LHPP: variants seen among roughly 807,000 people sequenced by gnomAD.
LHPP encodes the protein phospholysine phosphohistidine inorganic pyrophosphate phosphatase, also known as hLHPP.
Under a neutral mutation model 30.3 loss-of-function variants are expected in LHPP, and 24 were observed. The ratio of observed to expected loss-of-function variants is 0.79; its 90% confidence interval spans 0.57 to 1.11. The LOEUF is 1.11. LHPP is among the 50% of genes most tolerant of loss of function. The pLI, the probability that LHPP is intolerant of heterozygous loss-of-function variation, is 0.00. For synonymous variants in LHPP, 150 were observed against 157.1 expected, an observed-to-expected ratio of 0.95 and a Z score of 0.34; for missense variants, 356 against 367.2, an observed-to-expected ratio of 0.97 and a Z score of 0.25.
chr10:124,606,967 C>T (rs771288175), intron 6 of LHPP, among the ~76,000 whole-genome samples: 85 of 152,230 alleles, frequency 5.6e-4, no homozygotes, highest in Non-Finnish European at 6.0e-4. Context: ...CCTCTTTTCT[C>T]TGCTTCATCC....
intron 6 of LHPP, among the ~76,000 whole-genome samples, chr10:124,595,298 G>C (rs1007179560): frequency 6.6e-6 from 1 of 152,140 alleles, no homozygotes; most frequent in Non-Finnish European, 1.5e-5. Flanking sequence ...CTGCCAGGGG[G>C]AGGAGGAGGG....
intron 3 of LHPP, among the ~76,000 whole-genome samples, chr10:124,495,547 A>G (rs1202429863): frequency 1.3e-5 from 2 of 152,220 alleles, no homozygotes; most frequent in Non-Finnish European, 2.9e-5. Flanking sequence ...GCTTCAAGGC[A>G]TCAGGTGGGG....
At chr10:124,595,195 TG>T (rs912797537) in intron 6 of LHPP, among the ~76,000 whole-genome samples, 1 of 152,094 alleles carries the variant, frequency 6.6e-6, no homozygotes, top group Admixed American at 6.6e-5. Flanking sequence ...TGGGCAGGGT[TG>T]GGGGGTGAAC....
chr10:124,469,510 TG>T (rs34239081), intron 1 of LHPP, among the ~76,000 whole-genome samples: 28,211 of 150,854 alleles, frequency 0.19, 2,768 homozygotes, highest in East Asian at 0.31. Context: ...GCCCCTGAGG[TG>T]GGGGGGGCTT....
intron 6 of LHPP, among the ~76,000 whole-genome samples, chr10:124,594,409 G>A (rs1359335483): frequency 1.3e-5 from 2 of 149,446 alleles, no homozygotes; most frequent in East Asian, 4.0e-4. Flanking sequence ...TTAGACAGTT[G>A]TTCATTTCCT....
At chr10:124,543,254 C>T (rs1424570381) in intron 6 of LHPP, among the ~76,000 whole-genome samples, 1 of 152,248 alleles carries the variant, frequency 6.6e-6, no homozygotes, top group Non-Finnish European at 1.5e-5. Flanking sequence ...GTTGGCAGGG[C>T]GCACTCCCCA....
chr10:124,490,258 G>T, intron 3 of LHPP: 1 of 194,062 alleles, frequency 5.2e-6, no homozygotes, highest in South Asian at 8.7e-5. Flanking sequence ...TCACGCTCCA[G>T]ACCTTTAGGC....
intron 3 of LHPP, among the ~76,000 whole-genome samples, chr10:124,492,669 G>A (rs894674777): frequency 3.3e-5 from 5 of 152,176 alleles, no homozygotes; most frequent in African/African-American, 1.2e-4. Context: ...TCTGGGCACC[G>A]TGGCCCAGCC....
chr10:124,492,986 G>A (rs981035090), intron 3 of LHPP, among the ~76,000 whole-genome samples: 1 of 152,070 alleles, frequency 6.6e-6, no homozygotes, highest in African/African-American at 2.4e-5. Context: ...TCAGAGGTTC[G>A]AGACCAGCCT....
At chr10:124,493,311 C>T (rs1272176616) in intron 3 of LHPP, among the ~76,000 whole-genome samples, 1 of 152,064 alleles carries the variant, frequency 6.6e-6, no homozygotes, top group Admixed American at 6.5e-5. Flanking sequence ...AGCCTGAGGA[C>T]CCCCCGAGAG....
chr10:124,609,374 C>T (rs1205320390), intron 6 of LHPP, among the ~76,000 whole-genome samples: 1 of 152,124 alleles, frequency 6.6e-6, no homozygotes. Flanking sequence ...TCCCAAGTAG[C>T]TGGGACTACA....
intron 6 of LHPP, among the ~76,000 whole-genome samples, chr10:124,535,770 GGCCA>G (rs1168999514): frequency 2.8e-4 from 43 of 152,338 alleles, no homozygotes; most frequent in Non-Finnish European, 1.5e-4. Context: ...AAGACCTGTG[GGCCA>G]GAGGCCAGGT....
chr10:124,538,297 C>G (rs1433165340), intron 6 of LHPP, among the ~76,000 whole-genome samples: 2 of 152,220 alleles, frequency 1.3e-5, no homozygotes, highest in African/African-American at 4.8e-5. Flanking sequence ...GTAAGCCTCC[C>G]TGGGCCTGAG....
intron 1 of LHPP, among the ~76,000 whole-genome samples, chr10:124,470,381 C>G (rs758398619): frequency 1.4e-5 from 2 of 147,578 alleles, no homozygotes; most frequent in South Asian, 4.2e-4. Context: ...CACCCAGGAC[C>G]GCCCCGATCG....
rs185664185 is a variant in LHPP at position 124,576,845 on chromosome 10, C to T, written c.717-36419C>T. On this transcript the variant is annotated intron_variant, in intron 6 of 6. Transcript: ENST00000368842. This position sits in a 1 kb window ranked among gnomAD's most constrained non-coding sequence, Gnocchi z 4.2. ...GTAGCCCACGATACCTCATCCAGCC[C>T]GGGCCCGTGGGTGGGCTGCTGAGCA... Among the ~76,000 whole-genome samples, 840 of 150,048 alleles carry T rather than the reference C, an allele frequency of 5.6e-3. 6 individuals are homozygous for T. The highest frequency in any genetic ancestry group is 0.02 in the African/African-American group (822 of 41,262).
chr10:124,544,848 A>C (rs1955294014), intron 6 of LHPP, among the ~76,000 whole-genome samples: 1 of 152,104 alleles, frequency 6.6e-6, no homozygotes, highest in African/African-American at 2.4e-5. Flanking sequence ...CCTGGTGCAG[A>C]CACCATCACG....
chr10:124,490,930 G>A (rs1231658918), intron 3 of LHPP, among the ~76,000 whole-genome samples: 1 of 150,090 alleles, frequency 6.7e-6, no homozygotes, highest in Non-Finnish European at 1.5e-5. Flanking sequence ...TAGAATCACA[G>A]GGTTCTGCAC....
At chr10:124,604,177 C>A (rs1455881317) in intron 6 of LHPP, among the ~76,000 whole-genome samples, 1 of 152,218 alleles carries the variant, frequency 6.6e-6, no homozygotes. Flanking sequence ...ATTCCCCGAC[C>A]TGCTTCCAGA....
intron 5 of LHPP, among the ~76,000 whole-genome samples, chr10:124,506,270 C>CCCCA (rs1954066006): frequency 7.9e-6 from 1 of 125,980 alleles, no homozygotes; most frequent in Non-Finnish European, 1.7e-5. Flanking sequence ...CAAACCCCCC[C>CCCCA]CCCACCCCGC....
Sources: gnomAD v4.1 joint callset for allele counts (sites outside exome capture counted in the v4.1 genomes callset) on GRCh38, gnomAD v4.1.1 for gene constraint, Gnocchi (gnomAD v3.1) non-coding constraint, MANE v1.5 for transcripts, NCBI Gene and HGNC (gene_info 2026-07-23, HGNC 2026-07-21) for gene names.